HCN1: variants seen among roughly 807,000 people sequenced by gnomAD.
The protein encoded by HCN1 is potassium/sodium hyperpolarization-activated cyclic nucleotide-gated channel 1.
Under a neutral mutation model 78.9 loss-of-function variants are expected in HCN1, and 13 were observed. The observed-to-expected ratio is 0.16, with a 90% CI of 0.11 to 0.26. The LOEUF is 0.26. HCN1 is among the 10% of genes least tolerant of loss of function. HCN1 has a pLI of 1.00. For synonymous variants in HCN1, 552 were observed against 455.5 expected, an observed-to-expected ratio of 1.21 and a Z score of -2.70; for missense variants, 810 against 1,154.3, an observed-to-expected ratio of 0.70 and a Z score of 4.32.
intron 6 of HCN1, among the ~76,000 whole-genome samples, chr5:45,298,442 C>G (rs1468777513): frequency 6.6e-6 from 1 of 151,770 alleles, no homozygotes; most frequent in Non-Finnish European, 1.5e-5. Flanking sequence ...TCAAGATGAG[C>G]CAGGAGCATA....
At chr5:45,465,963 C>G (rs755727289) in intron 2 of HCN1, among the ~76,000 whole-genome samples, 6 of 151,976 alleles carry the variant, frequency 3.9e-5, no homozygotes, top group Non-Finnish European at 5.9e-5. Context: ...TAGTTGGAGT[C>G]CAATAACTCC....
chr5:45,372,140 A>C (rs535737109), intron 4 of HCN1, among the ~76,000 whole-genome samples: 1 of 53,686 alleles, frequency 1.9e-5, no homozygotes, highest in Non-Finnish European at 2.8e-5. Flanking sequence ...ATAATATAAT[A>C]ATATATTATA....
At chr5:45,290,337 C>T (rs576445963) in intron 6 of HCN1, among the ~76,000 whole-genome samples, 1 of 152,088 alleles carries the variant, frequency 6.6e-6, no homozygotes, top group Non-Finnish European at 1.5e-5. Context: ...CATCAGGGTT[C>T]CACCCTCATG....
rs1400501290 is a variant in HCN1 at position 45,622,200 on chromosome 5, C to T, written c.849+22985G>A. 1.1e-4 allele frequency among the ~76,000 whole-genome samples: 16 copies of T among 149,256 alleles called. No homozygotes were observed. The East Asian group carries it at 2.8e-3, about 26-fold the overall frequency. On this transcript the variant is annotated intron_variant, in intron 2 of 7. Coordinates refer to ENST00000303230, the MANE Select transcript of HCN1 (RefSeq NM_021072.4). ...CAGCCTGGGCGACAGAGGGAGACTT[C>T]GTCTTAAAAAAAAAAAGGGACCCAA...
chr5:45,690,158 C>A (rs1342172415), intron 1 of HCN1, among the ~76,000 whole-genome samples: 1 of 151,970 alleles, frequency 6.6e-6, no homozygotes, highest in African/African-American at 2.4e-5. Context: ...TATTTACTAA[C>A]TTTGTATGTA....
At chr5:45,549,015 G>T (rs1743296020) in intron 2 of HCN1, among the ~76,000 whole-genome samples, 1 of 151,112 alleles carries the variant, frequency 6.6e-6, no homozygotes, top group Non-Finnish European at 1.5e-5. Context: ...ACAAATGGAA[G>T]AACATTCCAT....
At chr5:45,480,673 A>C (rs886831421) in intron 2 of HCN1, among the ~76,000 whole-genome samples, 3 of 152,312 alleles carry the variant, frequency 2.0e-5, no homozygotes, top group South Asian at 4.1e-4. Context: ...GTCCCGGGAC[A>C]ATAAATATGT....
At chr5:45,427,638 A>T (rs1423532366) in intron 3 of HCN1, among the ~76,000 whole-genome samples, 3 of 152,108 alleles carry the variant, frequency 2.0e-5, no homozygotes, top group African/African-American at 7.2e-5. Flanking sequence ...AATTACATTG[A>T]TCAATAATTA....
At chr5:45,673,109 T>C (rs1280259649) in intron 1 of HCN1, among the ~76,000 whole-genome samples, 1 of 151,506 alleles carries the variant, frequency 6.6e-6, no homozygotes, top group Non-Finnish European at 1.5e-5. Context: ...TTATTTTTCT[T>C]CTTGATCACT....
intron 5 of HCN1, among the ~76,000 whole-genome samples, chr5:45,330,984 T>C (rs554221729): frequency 1.3e-5 from 2 of 151,382 alleles, no homozygotes; most frequent in East Asian, 1.9e-4. Context: ...TTAACCACTT[T>C]TTGTTTTCCT....
chr5:45,380,609 C>T lies in HCN1; in HGVS notation c.1230+15883G>A, dbSNP rs569493696. Among the ~76,000 whole-genome samples, 34 of 152,080 alleles carry T rather than the reference C, an allele frequency of 2.2e-4. No individual in the cohort carries two copies. In the East Asian group the frequency reaches 4.7e-3, roughly 21 times the overall value. ...GGTAAAAATGATATATTTTATGTTA[C>T]GTATGTTTTATGACAAAAAATAAAA... On this transcript the variant is annotated intron_variant, in intron 4 of 7. Coordinates refer to ENST00000303230, the MANE Select transcript of HCN1 (RefSeq NM_021072.4).
At chr5:45,407,164 A>G (rs1429089946) in intron 3 of HCN1, among the ~76,000 whole-genome samples, 1 of 152,182 alleles carries the variant, frequency 6.6e-6, no homozygotes, top group African/African-American at 2.4e-5. Flanking sequence ...GTTTCAGTTA[A>G]TGATGGACCG....
At chr5:45,567,962 A>G (rs1277016137) in intron 2 of HCN1, among the ~76,000 whole-genome samples, 2 of 151,568 alleles carry the variant, frequency 1.3e-5, no homozygotes, top group Admixed American at 6.6e-5. Context: ...ACACACTGCT[A>G]TCTATGGTAA....
intron 2 of HCN1, among the ~76,000 whole-genome samples, chr5:45,494,927 T>G (rs1257411343): frequency 1.3e-5 from 2 of 149,878 alleles, no homozygotes; most frequent in Non-Finnish European, 3.0e-5. Flanking sequence ...TGGCATTATT[T>G]CTGAGGGCTC....
intron 2 of HCN1, among the ~76,000 whole-genome samples, chr5:45,501,221 A>G (rs912533780): frequency 6.6e-6 from 1 of 152,176 alleles, no homozygotes; most frequent in Non-Finnish European, 1.5e-5. Flanking sequence ...ACCATATTAT[A>G]CTTGAGAGAA....
At chr5:45,310,679 G>A (rs1469279162) in intron 5 of HCN1, among the ~76,000 whole-genome samples, 1 of 151,970 alleles carries the variant, frequency 6.6e-6, no homozygotes, top group Non-Finnish European at 1.5e-5. Flanking sequence ...AAACCCAAAG[G>A]AATATAAATT....
At chr5:45,382,516 C>A (rs140272231) in intron 4 of HCN1, among the ~76,000 whole-genome samples, 221 of 152,272 alleles carry the variant, frequency 1.5e-3, no homozygotes, top group African/African-American at 4.0e-3. Flanking sequence ...TATACACACA[C>A]AGATATACCT....
At chr5:45,587,841 C>T (rs1300037180) in intron 2 of HCN1, among the ~76,000 whole-genome samples, 1 of 151,990 alleles carries the variant, frequency 6.6e-6, no homozygotes, top group African/African-American at 2.4e-5. Flanking sequence ...GAGGTGGGAC[C>T]TTTAGGATGT....
chr5:45,582,685 G>A (rs1253444812), intron 2 of HCN1, among the ~76,000 whole-genome samples: 4 of 152,092 alleles, frequency 2.6e-5, no homozygotes, highest in Non-Finnish European at 4.4e-5. Context: ...ATTATTTTGA[G>A]ATACGTCCCA....
Sources: gnomAD v4.1 joint callset for allele counts (sites outside exome capture counted in the v4.1 genomes callset) on GRCh38, gnomAD v4.1.1 for gene constraint, MANE v1.5 for transcripts, NCBI Gene and HGNC (gene_info 2026-07-23, HGNC 2026-07-21) for gene names.